CNTNAP5: variants seen among roughly 807,000 people sequenced by gnomAD.
CNTNAP5 encodes contactin-associated protein-like 5.
In CNTNAP5, 72 loss-of-function variants were observed where a neutral mutation model predicts 150.2. That is an observed-to-expected ratio of 0.48 (90% confidence interval 0.40 to 0.58). The LOEUF (loss-of-function observed/expected upper bound fraction) is 0.58, where lower values mean the gene tolerates loss of function less well. Ranked by LOEUF, CNTNAP5 falls within the 20% of genes least tolerant of loss-of-function variation. The pLI, the probability that CNTNAP5 is intolerant of heterozygous loss-of-function variation, is 0.00. For synonymous variants in CNTNAP5, 672 were observed against 619.8 expected (o/e 1.08, Z -1.25); for missense variants, 1,636 against 1,626.2 (o/e 1.01, Z -0.10).
chr2:124,702,335 A>AACTATGAAC (rs1679538668), intron 13 of CNTNAP5, among the ~76,000 whole-genome samples: 1 of 133,034 alleles, frequency 7.5e-6, no homozygotes, highest in Non-Finnish European at 1.6e-5. Flanking sequence ...CCTTCTGTGA[A>AACTATGAAC]ACTATGAACA....
At chr2:124,321,840 C>CTAAATT (rs1689106534) in intron 3 of CNTNAP5, among the ~76,000 whole-genome samples, 1 of 152,062 alleles carries the variant, frequency 6.6e-6, no homozygotes, top group African/African-American at 2.4e-5. Flanking sequence ...TTTTAAGGCT[C>CTAAATT]TAAATTTAAA....
Position 124,066,684 on chromosome 2 carries a change from T to TA in CNTNAP5, c.82+40959dup, listed in dbSNP as rs1415465954. ...AAAAAAAATAGTTTATCTTATTATTTAAAAAAATCAGGACACTGGAAAACA... is the reference window on the plus strand; with the variant it reads ...AAAAAAAATAGTTTATCTTATTATTTAAAAAAAATCAGGACACTGGAAAACA... On this transcript the variant is annotated intron_variant, in intron 1 of 23. Transcript: ENST00000682447. Among the ~76,000 whole-genome samples the TA allele has an allele frequency of 2.0e-5, 3 of 152,064 alleles. No individual in the cohort carries two copies. In the East Asian group the frequency reaches 5.8e-4, roughly 29 times the overall value.
intron 8 of CNTNAP5, among the ~76,000 whole-genome samples, chr2:124,508,774 G>GT (rs371631282): frequency 4.6e-5 from 7 of 152,274 alleles, no homozygotes; most frequent in African/African-American, 1.4e-4. Flanking sequence ...TGAACTTAAT[G>GT]TTTTTTAGAA....
intron 1 of CNTNAP5, among the ~76,000 whole-genome samples, chr2:124,087,335 ATAGAG>A (rs1457532685): frequency 2.0e-5 from 3 of 151,816 alleles, no homozygotes; most frequent in Non-Finnish European, 4.4e-5. Flanking sequence ...TATTTAGATA[ATAGAG>A]TATAGTCATT....
intron 18 of CNTNAP5, among the ~76,000 whole-genome samples, chr2:124,791,694 T>G: frequency 1.0e-5 from 1 of 97,534 alleles, no homozygotes; most frequent in East Asian, 2.3e-4. Flanking sequence ...GCCTAATTTC[T>G]TTTTTTTTTT....
intron 12 of CNTNAP5, among the ~76,000 whole-genome samples, chr2:124,643,321 A>G (rs1048899691): frequency 6.6e-6 from 1 of 152,208 alleles, no homozygotes; most frequent in Admixed American, 6.5e-5. Context: ...GTGCAGTAGA[A>G]GTAATGAAAG....
intron 8 of CNTNAP5, among the ~76,000 whole-genome samples, chr2:124,506,829 A>G (rs1313583550): frequency 2.0e-5 from 3 of 152,190 alleles, no homozygotes; most frequent in African/African-American, 2.4e-5. Flanking sequence ...TAAGGTCACA[A>G]TTGAATTGCC....
At chr2:124,770,577 G>A (rs1023228057) in intron 16 of CNTNAP5, among the ~76,000 whole-genome samples, 3 of 152,184 alleles carry the variant, frequency 2.0e-5, no homozygotes, top group African/African-American at 7.2e-5. Context: ...TCTCAGTTAA[G>A]TGTTTTTAAA....
intron 8 of CNTNAP5, among the ~76,000 whole-genome samples, chr2:124,514,880 C>A (rs1032457179): frequency 6.6e-6 from 1 of 152,128 alleles, no homozygotes; most frequent in Non-Finnish European, 1.5e-5. Flanking sequence ...TGGTCAGGGA[C>A]CCCAGAGTTT....
At chr2:124,802,107 A>C (rs1381247784) in intron 19 of CNTNAP5, among the ~76,000 whole-genome samples, 2 of 152,208 alleles carry the variant, frequency 1.3e-5, no homozygotes, top group African/African-American at 4.8e-5. Flanking sequence ...AATAAAATCA[A>C]GTATCCGCCT....
At chr2:124,413,899 A>AAATG (rs1469326407) in intron 3 of CNTNAP5, among the ~76,000 whole-genome samples, 3 of 127,118 alleles carry the variant, frequency 2.4e-5, no homozygotes, top group Non-Finnish European at 4.7e-5. Flanking sequence ...ATAAATAAAT[A>AAATG]AATTAAAAAA....
intron 19 of CNTNAP5, among the ~76,000 whole-genome samples, chr2:124,863,378 A>G (rs924309906): frequency 6.6e-5 from 10 of 152,180 alleles, no homozygotes; most frequent in Non-Finnish European, 1.5e-4. Context: ...ACTCGCCCCT[A>G]CCAGCTCCTG....
At chr2:124,101,885 A>C (rs189824199) in intron 1 of CNTNAP5, among the ~76,000 whole-genome samples, 72 of 152,284 alleles carry the variant, frequency 4.7e-4, no homozygotes, top group Non-Finnish European at 7.9e-4. Flanking sequence ...TTTATCAGAC[A>C]TTCACTCTTC....
intron 1 of CNTNAP5, among the ~76,000 whole-genome samples, chr2:124,116,630 C>G (rs995158308): frequency 1.3e-5 from 2 of 152,120 alleles, no homozygotes; most frequent in Admixed American, 1.3e-4. Context: ...ATAAACTCTT[C>G]CATTTTTACA....
In CNTNAP5 at chr2:124,902,902, G is replaced by A; in HGVS notation, c.3457G>A (p.Glu1153Lys). ...KVTENLGLDS[E>K]VAKANAMGFA... ...TGCAGAGAATCTTGGTTTGGATTCT[G>A]AAGTTGCTAAAGCAAATGCCATGGG... The change falls in exon 22 of 24, where the codon GAA becomes AAA. Residue 1153 changes from glutamate to lysine, a missense_variant. Physicochemically the swap from Glu to Lys is moderately conservative, Grantham distance 56 (BLOSUM62 1). Coordinates refer to ENST00000682447, the MANE Select transcript of CNTNAP5 (RefSeq NM_001367498.1). 2 of 1,609,442 alleles carry A rather than the reference G, an allele frequency of 1.2e-6. No individual in the cohort carries two copies. Among genetic ancestry groups the A allele is most frequent in the Middle Eastern group, 3.3e-4 (2 of 6,028 alleles).
At chr2:124,423,684 A>C (rs1286940115) in intron 4 of CNTNAP5, among the ~76,000 whole-genome samples, 3 of 2,682 alleles carry the variant, frequency 1.1e-3, no homozygotes, top group African/African-American at 2.3e-3. Flanking sequence ...TTTTTTTTTG[A>C]GACGGAGTCT....
intron 2 of CNTNAP5, among the ~76,000 whole-genome samples, chr2:124,230,389 C>A (rs576570468): frequency 6.6e-6 from 1 of 152,186 alleles, no homozygotes; most frequent in South Asian, 2.1e-4. Context: ...AACAACACTA[C>A]AACGTCTGCT....
At chr2:124,526,329 A>G (rs1287436925) in intron 9 of CNTNAP5, among the ~76,000 whole-genome samples, 1 of 151,946 alleles carries the variant, frequency 6.6e-6, no homozygotes, top group East Asian at 1.9e-4. Context: ...TACAGCTTCA[A>G]TTAGAAGTTG....
intron 1 of CNTNAP5, among the ~76,000 whole-genome samples, chr2:124,128,741 G>A (rs374306789): frequency 2.0e-5 from 3 of 151,662 alleles, no homozygotes; most frequent in Admixed American, 6.6e-5. Flanking sequence ...ATAAAAAAGG[G>A]TGAGTTCATG....
Sources: gnomAD v4.1 joint callset for allele counts (sites outside exome capture counted in the v4.1 genomes callset) on GRCh38, gnomAD v4.1.1 for gene constraint, MANE v1.5 for transcripts, NCBI Gene and HGNC (gene_info 2026-07-23, HGNC 2026-07-21) for gene names.